Variants in VAC14 observed in about 807,000 individuals in gnomAD.
The protein encoded by VAC14 is VAC14 component of PIKFYVE complex.
Under a neutral mutation model 85.3 loss-of-function variants are expected in VAC14, and 47 were observed. The observed-to-expected ratio is 0.55, with a 90% confidence interval of 0.44 to 0.70. The LOEUF (loss-of-function observed/expected upper bound fraction) is 0.70. Among genes scored for constraint, VAC14 ranks in the 30% least tolerant of loss-of-function variants. The pLI is 0.00. For synonymous variants in VAC14, 447 were observed against 430.5 expected (o/e 1.04, Z -0.47); for missense variants, 861 against 1,004.3 (o/e 0.86, Z 1.93).
chr16:70,707,386 G>A (rs770886396), intron 14 of VAC14, among the ~76,000 whole-genome samples: 5 of 152,144 alleles, frequency 3.3e-5, no homozygotes, highest in Non-Finnish European at 7.4e-5. Context: ...TGTTTTTCTG[G>A]GCTTTGTAGG....
chr16:70,690,486 C>T, intron 18 of VAC14: 1 of 985,656 alleles, frequency 1.0e-6, no homozygotes, highest in Non-Finnish European at 1.2e-6. Flanking sequence ...CTGTTGCCAG[C>T]TTTTTCTTAG....
chr16:70,765,777 A>G (rs897286995), intron 10 of VAC14, among the ~76,000 whole-genome samples: 1 of 152,160 alleles, frequency 6.6e-6, no homozygotes, highest in African/African-American at 2.4e-5. Context: ...CTCTGCACCC[A>G]GGGGATACCT....
At chr16:70,779,799 T>C (rs1405157464) in intron 9 of VAC14, among the ~76,000 whole-genome samples, 1 of 151,858 alleles carries the variant, frequency 6.6e-6, no homozygotes, top group African/African-American at 2.4e-5. Context: ...ACATCTGGAG[T>C]CAAATTCCAG....
chr16:70,717,133 T>C (rs1215835477), intron 14 of VAC14, among the ~76,000 whole-genome samples: 4 of 152,274 alleles, frequency 2.6e-5, no homozygotes, highest in Non-Finnish European at 4.4e-5. Context: ...CCATGACACC[T>C]GCTCCTGTGT....
chr16:70,800,851 G>T lies in VAC14; in HGVS notation c.50C>A (p.Ala17Asp), dbSNP rs1194636854. 6.2e-7 allele frequency: 1 copy of T among 1,608,218 alleles called. No individual in the cohort carries two copies. Residue 17 changes from alanine to aspartate, a missense_variant, in exon 1 of 19, where the codon GCC (alanine) becomes GAC (aspartate). By Grantham distance (126) the Ala-to-Asp change is moderately radical. Coordinates refer to ENST00000261776, the MANE Select transcript of VAC14 (RefSeq NM_018052.5). ...FAPLTPNIVR[A>D]LNDKLYEKRK... ...CTTTTCGTACAGCTTGTCATTGAGG[G>T]CGCGCACGATGTTAGGCGTGAGCGG...
intron 14 of VAC14, among the ~76,000 whole-genome samples, chr16:70,708,532 G>C (rs982311581): frequency 1.3e-5 from 2 of 152,364 alleles, no homozygotes; most frequent in African/African-American, 2.4e-5. Context: ...AGGAGTCCCT[G>C]TGAGGGAACT....
chr16:70,737,583 G>A (rs991537049), intron 13 of VAC14, among the ~76,000 whole-genome samples: 1 of 152,204 alleles, frequency 6.6e-6, no homozygotes, highest in African/African-American at 2.4e-5. Flanking sequence ...CTGGCAGGAA[G>A]TGCACGTGAC....
chr16:70,718,811 T>C (rs1392380665), intron 14 of VAC14, among the ~76,000 whole-genome samples: 1 of 152,132 alleles, frequency 6.6e-6, no homozygotes, highest in Admixed American at 6.5e-5. Flanking sequence ...CTCTGGATCA[T>C]AACTGGCTGG....
intron 3 of VAC14, 49 bp from the exon 4 acceptor site, chr16:70,784,887 T>G: frequency 4.0e-4 from 624 of 1,542,062 alleles, no homozygotes; most frequent in Non-Finnish European, 5.1e-4. Flanking sequence ...GGGTCACGGT[T>G]GGATGCAAGA....
intron 14 of VAC14, among the ~76,000 whole-genome samples, chr16:70,707,564 G>C (rs1029321918): frequency 6.6e-6 from 1 of 152,020 alleles, no homozygotes; most frequent in Non-Finnish European, 1.5e-5. Flanking sequence ...ATCTGGGTGG[G>C]AGCTGCCACA....
intron 9 of VAC14, among the ~76,000 whole-genome samples, chr16:70,777,330 C>A (rs1179684587): frequency 1.7e-4 from 26 of 152,214 alleles, no homozygotes. Context: ...TTGTCTGAAA[C>A]ACACAACCAC....
chr16:70,718,065 C>T (rs1010287122), intron 14 of VAC14, among the ~76,000 whole-genome samples: 6 of 152,248 alleles, frequency 3.9e-5, no homozygotes, highest in African/African-American at 1.4e-4. Flanking sequence ...CCCGAGGGAG[C>T]AGTTGGGCCA....
chr16:70,787,597 A>G (rs1230414912), intron 1 of VAC14, among the ~76,000 whole-genome samples: 2 of 152,206 alleles, frequency 1.3e-5, no homozygotes, highest in Non-Finnish European at 2.9e-5. Context: ...CAAATCTCAC[A>G]TGGCATGTGG....
intron 1 of VAC14, among the ~76,000 whole-genome samples, chr16:70,800,109 A>C (rs1226077405): frequency 6.6e-6 from 1 of 152,188 alleles, no homozygotes; most frequent in African/African-American, 2.4e-5. Context: ...AAAACCCACA[A>C]AAGTAAAATA....
intron 14 of VAC14, among the ~76,000 whole-genome samples, chr16:70,718,597 A>G: frequency 6.7e-6 from 1 of 150,130 alleles, no homozygotes; most frequent in East Asian, 2.0e-4. Context: ...ACAAAAAAAC[A>G]AAGAAAACTG....
rs766349756 is a variant in VAC14, at chr16:70,800,814, T to G, written c.87A>C (p.Ala29=). The change falls in exon 1 of 19, where the codon GCA becomes GCC. Residue 29 remains alanine, a synonymous_variant. Coordinates refer to ENST00000261776, the MANE Select transcript of VAC14 (RefSeq NM_018052.5). ...NDKLYEKRKV[A]ALEIEKLVRE... ...GCTCTTACTTCTCGATCTCCAGCGC[T>G]GCCACCTTCCGCTTTTCGTACAGCT... The G allele has an allele frequency of 6.2e-7, 1 of 1,609,792 alleles. No individual in the cohort carries two copies. Among genetic ancestry groups the G allele is most frequent in the Non-Finnish European group, 8.5e-7 (1 of 1,178,124 alleles).
chr16:70,695,390 G>A lies in VAC14; in HGVS notation c.2035+154C>T, dbSNP rs562976192. 5.9e-5 allele frequency among the ~76,000 whole-genome samples: 9 copies of A among 152,284 alleles called. 1 individual carries two copies. The South Asian group carries it at 1.7e-3, about 28-fold the overall frequency. On this transcript the variant is annotated intron_variant, in intron 17 of 18. Transcript: ENST00000261776. ...AGCCTCCAAAGTGCTGGGATTATAA[G>A]TCTCACATTCTCAACATTCCAGAAG...
chr16:70,743,857 T>G (rs999811939), intron 13 of VAC14, among the ~76,000 whole-genome samples: 1 of 152,136 alleles, frequency 6.6e-6, no homozygotes, highest in African/African-American at 2.4e-5. Context: ...GGAAGTGGCG[T>G]CTGCCGAGGC....
chr16:70,736,755 C>T (rs925727237), intron 13 of VAC14, among the ~76,000 whole-genome samples: 4 of 152,224 alleles, frequency 2.6e-5, no homozygotes, highest in African/African-American at 7.2e-5. Context: ...TCAGCCCTCA[C>T]AGTGCTCCCA....
Sources: allele counts gnomAD v4.1 joint callset (sites outside exome capture counted in the v4.1 genomes callset), GRCh38; gene constraint gnomAD v4.1.1; transcripts MANE v1.5; gene names NCBI Gene and HGNC (gene_info 2026-07-23, HGNC 2026-07-21).